The following BAIAP2 variants were observed in gnomAD, a reference collection of about 807,000 sequenced individuals.
BAIAP2 encodes BAR/IMD domain containing adaptor protein 2, also known as BAR/IMD domain-containing adapter protein 2.
BAIAP2 carries 18 observed loss-of-function variants against 63.0 expected under a neutral mutation model. The ratio of observed to expected loss-of-function variants is 0.29; its 90% CI spans 0.20 to 0.42. BAIAP2 has a LOEUF of 0.42. Among genes scored for constraint, BAIAP2 ranks in the 10% least tolerant of loss-of-function variants. The pLI is 1.00. For missense variants in BAIAP2, 610 were observed against 734.3 expected (o/e 0.83, Z 1.96); for synonymous variants, 386 against 307.6 (o/e 1.25, Z -2.67).
In BAIAP2 at chr17:81,069,311, C is replaced by T. The variant is rs370295984; in HGVS notation, c.217+11344C>T. On this transcript the variant is annotated intron_variant, in intron 3 of 13. Coordinates refer to ENST00000428708, the MANE Select transcript of BAIAP2 (RefSeq NM_001144888.2). ...GCAGAGACTGAACACGTGCACACAC[C>T]CAGCCAGAGCACGCACGCGGGCACA... 1.5e-4 allele frequency among the ~76,000 whole-genome samples: 23 copies of T among 152,318 alleles called. No homozygotes were observed. In the South Asian group the frequency reaches 4.8e-3, roughly 32 times the overall value.
At chr17:81,113,791 G>T (rs1266697141) in intron 13 of BAIAP2, among the ~76,000 whole-genome samples, 1 of 152,096 alleles carries the variant, frequency 6.6e-6, no homozygotes, top group Non-Finnish European at 1.5e-5. Context: ...CCAGTGGAGG[G>T]CTTCCTACCC....
chr17:81,050,114 G>T (rs1440788909), intron 1 of BAIAP2, among the ~76,000 whole-genome samples: 1 of 152,356 alleles, frequency 6.6e-6, no homozygotes, highest in African/African-American at 2.4e-5. Context: ...TACAGTGCGT[G>T]CCTGAGGCAG....
rs1181263228 is a variant in BAIAP2 at position 81,046,956 on chromosome 17, G to A, written c.55-6712G>A. Among the ~76,000 whole-genome samples, 1 of 152,202 alleles carries A rather than the reference G, an allele frequency of 6.6e-6. No individual in the cohort carries two copies. The highest frequency in any genetic ancestry group is 6.5e-5 in the Admixed American group (1 of 15,284). ...CACTGCCGGCCCCGCAGCTGCCACC[G>A]GCTTCTGCCTGTCGCGACAGAGGTG... On this transcript the variant is annotated intron_variant, in intron 1 of 13. Coordinates refer to ENST00000428708, the MANE Select transcript of BAIAP2 (RefSeq NM_001144888.2). The surrounding 1 kb of genome is among the most constrained non-coding windows in gnomAD (Gnocchi z 4.5).
chr17:81,103,800 G>T (rs1200631386), intron 8 of BAIAP2, 77 bp downstream of exon 8: 6 of 1,578,768 alleles, frequency 3.8e-6, no homozygotes, highest in Admixed American at 1.7e-5. Flanking sequence ...GGGCCGCCAG[G>T]GTGCAGAGTC....
At chr17:81,044,031 G>A (rs1045912301) in intron 1 of BAIAP2, among the ~76,000 whole-genome samples, 1 of 152,220 alleles carries the variant, frequency 6.6e-6, no homozygotes, top group Non-Finnish European at 1.5e-5. Flanking sequence ...GAGCAGGAAA[G>A]CCCCGCCCCG....
At chr17:81,108,414 C>CG in intron 12 of BAIAP2, 61 bp from the exon 13 acceptor site, 1 of 1,579,446 alleles carries the variant, frequency 6.3e-7, no homozygotes, top group Non-Finnish European at 8.7e-7. Flanking sequence ...GTACAGGCAG[C>CG]GGGTGGGGGT....
At chr17:81,067,971 C>T (rs917130574) in intron 3 of BAIAP2, among the ~76,000 whole-genome samples, 1 of 152,242 alleles carries the variant, frequency 6.6e-6, no homozygotes, top group Non-Finnish European at 1.5e-5. Flanking sequence ...TGGCTGCCTC[C>T]GATGTGGCCC....
intron 1 of BAIAP2, among the ~76,000 whole-genome samples, chr17:81,039,519 C>T (rs976000265): frequency 1.2e-4 from 19 of 152,316 alleles, no homozygotes; most frequent in African/African-American, 3.4e-4. Flanking sequence ...GTGTCCTGCC[C>T]GTGCCTGCTG....
At chr17:81,047,544 G>C (rs1288825872) in intron 1 of BAIAP2, among the ~76,000 whole-genome samples, 1 of 151,990 alleles carries the variant, frequency 6.6e-6, no homozygotes, top group Non-Finnish European at 1.5e-5. Context: ...AGGTAAACAC[G>C]TTCATGCCCA....
rs868408036 is a variant in BAIAP2, at chr17:81,109,939, C to T, written c.1535+1430C>T. The T allele has an allele frequency of 7.0e-5, 69 of 985,432 alleles. No individual in the cohort carries two copies. In the South Asian group the frequency reaches 8.9e-4, roughly 13 times the overall value. The allele number at this position is 985,432 out of a possible 1,614,324, so 61.0% of individuals were successfully genotyped here. A position where few individuals can be genotyped will look rare whatever the true frequency, so the allele number is the denominator to read the frequency against. On this transcript the variant is annotated intron_variant, in intron 13 of 13. Transcript: ENST00000428708. ...GGCAGCTCTGGGCACGCCGCACCCA[C>T]GCCCCCCACCTGGGGGAAACAGGCG...
rs763954980 is a variant in BAIAP2 at position 81,104,596 on chromosome 17, C to T, written c.1149C>T (p.Phe383=). 42 of 1,612,248 alleles carry T rather than the reference C, an allele frequency of 2.6e-5. No homozygotes were observed. Among genetic ancestry groups the T allele is most frequent in the Non-Finnish European group, 3.3e-5 (39 of 1,179,888 alleles). ...GCCGTATGCGGGTGAAGGCCATCTT[C>T]TCCCACGCTGCTGGGGACAACAGCA... ...RNGRMRVKAI[F]SHAAGDNSTL... is the part of the protein sequence containing the mutation. The change falls in exon 10 of 14, where the codon TTC becomes TTT. Residue 383 remains phenylalanine, a synonymous_variant. Transcript: ENST00000428708.
rs566050497 is a variant in BAIAP2, at chr17:81,038,769, C to G, written c.54+3461C>G. On this transcript the variant is annotated intron_variant, in intron 1 of 13. Transcript: ENST00000428708. ...GCTGCCCGGGCCTGGCTGTTCCTCT[C>G]TGCCACATCCAGCTTCTTCCTGGGG... is the stretch of plus-strand genomic sequence containing the variant. Among the ~76,000 whole-genome samples the G allele has an allele frequency of 5.9e-5, 9 of 152,350 alleles. No individual in the cohort carries two copies. In the South Asian group the frequency reaches 1.9e-3, roughly 32 times the overall value.
intron 1 of BAIAP2, among the ~76,000 whole-genome samples, chr17:81,042,166 G>C (rs1158295252): frequency 7.2e-6 from 1 of 138,900 alleles, no homozygotes; most frequent in African/African-American, 2.7e-5. Flanking sequence ...TTTGGAGACA[G>C]AGTCTTGCTT....
At chr17:81,110,560 C>T (rs2059798136) in intron 13 of BAIAP2, 8 of 1,156,236 alleles carry the variant, frequency 6.9e-6, no homozygotes, top group Middle Eastern at 3.5e-4. Flanking sequence ...GCGTCTTTGC[C>T]GTGGGGGCCC....
chr17:81,067,470 A>T (rs987360821), intron 3 of BAIAP2, among the ~76,000 whole-genome samples: 1 of 152,190 alleles, frequency 6.6e-6, no homozygotes, highest in Admixed American at 6.5e-5. Flanking sequence ...CCGCCTGCCA[A>T]CAGCTTTGCG....
intron 7 of BAIAP2, among the ~76,000 whole-genome samples, chr17:81,101,429 A>G (rs1034383612): frequency 1.3e-5 from 2 of 152,058 alleles, no homozygotes; most frequent in East Asian, 1.9e-4. Flanking sequence ...CCCATAGTCC[A>G]TGGGTAGGAG....
intron 5 of BAIAP2, 140 bp from the exon 6 acceptor site, chr17:81,086,303 G>C: frequency 9.4e-7 from 1 of 1,064,022 alleles, no homozygotes; most frequent in Non-Finnish European, 1.4e-6. Context: ...CACGGCCAGA[G>C]AGCGAGCCAG....
intron 13 of BAIAP2, among the ~76,000 whole-genome samples, chr17:81,111,441 G>A (rs1157214072): frequency 6.6e-6 from 1 of 152,240 alleles, no homozygotes; most frequent in African/African-American, 2.4e-5. Context: ...ATAGGCACTG[G>A]AGCCAGGTGT....
intron 2 of BAIAP2, among the ~76,000 whole-genome samples, chr17:81,056,674 A>C (rs2049621941): frequency 6.6e-6 from 1 of 152,066 alleles, no homozygotes; most frequent in Non-Finnish European, 1.5e-5. Context: ...GGCGGGGCTG[A>C]GTGTGGAGAC....
Sources: allele counts gnomAD v4.1 joint callset (sites outside exome capture counted in the v4.1 genomes callset), GRCh38; gene constraint gnomAD v4.1.1; non-coding constraint Gnocchi (gnomAD v3.1); transcripts MANE v1.5; gene names NCBI Gene and HGNC (gene_info 2026-07-23, HGNC 2026-07-21).